The following TUB variants were observed in gnomAD, a reference collection of about 807,000 sequenced individuals.
TUB encodes the protein tubby protein homolog.
TUB carries 33 observed loss-of-function variants against 59.7 expected under a neutral mutation model. The observed-to-expected ratio is 0.55, with a 90% CI of 0.42 to 0.74. TUB has a LOEUF of 0.74. TUB is among the 30% of genes least tolerant of loss of function. TUB has a pLI of 0.00. For missense variants in TUB, 659 were observed against 672.0 expected (o/e 0.98, Z 0.21); for synonymous variants, 293 against 256.4 (o/e 1.14, Z -1.36).
chr11:8,100,261 G>A (rs762521828), intron 9 of TUB, among the ~76,000 whole-genome samples: 10 of 151,190 alleles, frequency 6.6e-5, no homozygotes, highest in Non-Finnish European at 1.5e-4. Context: ...TAGTTTGCCG[G>A]AGCGAGTGGA....
upstream of TUB, chr11:8,035,878 T>C (rs1179578374): frequency 6.6e-6 from 1 of 152,282 alleles, no homozygotes; most frequent in Non-Finnish European, 1.5e-5. Context: ...GGTGATCTGT[T>C]TGTGACAGGG....
chr11:8,066,942 C>G (rs1429731788), intron 2 of TUB, among the ~76,000 whole-genome samples: 3 of 152,188 alleles, frequency 2.0e-5, no homozygotes, highest in Non-Finnish European at 2.9e-5. Flanking sequence ...TTACCTCCCC[C>G]AAATGCACAC....
At chr11:8,039,023 A>G (rs1942695741) in exon 1 of TUB, 1 of 1,612,424 alleles carries the variant, frequency 6.2e-7, no homozygotes, top group African/African-American at 1.3e-5. Context: ...GCCACCGAAG[A>G]GATCGGTAAG....
At chr11:8,029,409 G>A (rs1942540821) in intron 1 of TUB, among the ~76,000 whole-genome samples, 1 of 118,896 alleles carries the variant, frequency 8.4e-6, no homozygotes, top group Non-Finnish European at 1.7e-5. Context: ...TTTTTTTTGA[G>A]ACAGAGTCTC....
upstream of TUB, among the ~76,000 whole-genome samples, chr11:8,080,551 G>A (rs1396238997): frequency 6.6e-6 from 1 of 152,200 alleles, no homozygotes; most frequent in East Asian, 1.9e-4. Context: ...TAGCTTTACG[G>A]CCTTGGGCAT....
upstream of TUB, among the ~76,000 whole-genome samples, chr11:8,037,101 A>G (rs1413640863): frequency 1.3e-5 from 2 of 152,156 alleles, no homozygotes; most frequent in Admixed American, 6.5e-5. Flanking sequence ...TGGGAGATGG[A>G]GGATGAGGTC....
In TUB at chr11:8,096,670, C is replaced by T; in HGVS notation, c.566-15C>T. 1 of 1,542,286 alleles carries T rather than the reference C, an allele frequency of 6.5e-7. No individual in the cohort carries two copies. The highest frequency in any genetic ancestry group is 9.0e-7 in the Non-Finnish European group (1 of 1,114,528). On this transcript the variant is annotated splice_polypyrimidine_tract_variant and intron_variant, in intron 5 of 11. Transcript: ENST00000299506. The stretch of plus-strand genomic sequence containing the variant: ...TTCTCCTCCTTCATCCCTTCTTCTT[C>T]TCTCCTTGGCCCAGGCATCTCCAGC...
intron 2 of TUB, chr11:8,067,527 A>C (rs1943269146): frequency 6.6e-6 from 1 of 152,242 alleles, no homozygotes; most frequent in Admixed American, 6.5e-5. Context: ...TGTGCCTAAC[A>C]AAATACTTAG....
chr11:8,050,332 C>T (rs1455469159), intron 2 of TUB, among the ~76,000 whole-genome samples: 2 of 152,210 alleles, frequency 1.3e-5, no homozygotes, highest in Non-Finnish European at 2.9e-5. Context: ...GTCTGTGTTT[C>T]CATGAGGTGC....
At chr11:8,036,751 C>T (rs1942652777), upstream of TUB, among the ~76,000 whole-genome samples, 1 of 152,208 alleles carries the variant, frequency 6.6e-6, no homozygotes, top group Admixed American at 6.5e-5. Flanking sequence ...TTATCCAGCC[C>T]TGAGGTTCTG....
intron 1 of TUB, among the ~76,000 whole-genome samples, chr11:8,083,220 G>A (rs1243686541): frequency 2.0e-5 from 3 of 152,210 alleles, no homozygotes; most frequent in African/African-American, 7.2e-5. Context: ...GTGGACTCCG[G>A]TGCTGTGGAA....
intron 1 of TUB, among the ~76,000 whole-genome samples, chr11:8,029,388 C>CTTTTT (rs71059146): frequency 4.0e-4 from 50 of 123,546 alleles, no homozygotes; most frequent in Middle Eastern, 4.2e-3. Flanking sequence ...TTCTTTCTTT[C>CTTTTT]TTTTTTTTTT....
At position 8,099,016 on chromosome 11, in the gene TUB, C is replaced by G; in HGVS notation, c.1116+141C>G. 10 of 695,090 alleles carry G rather than the reference C, an allele frequency of 1.4e-5. No homozygotes were observed. The South Asian group carries it at 1.6e-4, about 11-fold the overall frequency. The allele number at this position is 695,090 out of a possible 1,614,324, so 43.1% of individuals were successfully genotyped here. A position where few individuals can be genotyped will look rare whatever the true frequency, so the allele number is the denominator to read the frequency against. ...AGGGGCTGTCCTCTGTGGAGTGTTC[C>G]TGGCCTAGGACAGGGGCTCTGGCTC... is the stretch of plus-strand genomic sequence containing the variant. On this transcript the variant is annotated intron_variant, in intron 9 of 11. Coordinates refer to ENST00000299506, the MANE Select transcript of TUB (RefSeq NM_177972.3).
chr11:8,061,422 G>A (rs1338044459), intron 2 of TUB, among the ~76,000 whole-genome samples: 8 of 152,114 alleles, frequency 5.3e-5, no homozygotes, highest in Admixed American at 1.3e-4. Flanking sequence ...AACACCCTGC[G>A]GTGCCTCTAC....
intron 11 of TUB, 138 bp from the exon 12 acceptor site, chr11:8,101,348 C>T (rs951091804): frequency 8.4e-7 from 1 of 1,190,860 alleles, no homozygotes; most frequent in Non-Finnish European, 1.2e-6. Context: ...CTTTGTTTTA[C>T]TTCCCTTTGT....
At chr11:8,098,948 G>T in intron 9 of TUB, 73 bp downstream of exon 9, 1 of 1,109,582 alleles carries the variant, frequency 9.0e-7, no homozygotes, top group South Asian at 1.3e-5. Context: ...CTGATCTAGG[G>T]GCTATCCCAT....
At chr11:8,033,416 G>C (rs1443076118) in intron 1 of TUB, among the ~76,000 whole-genome samples, 1 of 152,264 alleles carries the variant, frequency 6.6e-6, no homozygotes, top group Non-Finnish European at 1.5e-5. Flanking sequence ...CTGGCCTTTC[G>C]CCCAGTTTCA....
At chr11:8,027,482 G>A (rs1180741911) in intron 1 of TUB, among the ~76,000 whole-genome samples, 1 of 151,808 alleles carries the variant, frequency 6.6e-6, no homozygotes, top group Non-Finnish European at 1.5e-5. Flanking sequence ...ACCACATTTT[G>A]TTTATTTTTA....
At chr11:8,023,984 A>G (rs991988295) in intron 1 of TUB, among the ~76,000 whole-genome samples, 6 of 152,216 alleles carry the variant, frequency 3.9e-5, no homozygotes, top group Non-Finnish European at 7.3e-5. Flanking sequence ...TATTCACAGG[A>G]TAAATTCCTA....
Sources: gnomAD v4.1 joint callset for allele counts (sites outside exome capture counted in the v4.1 genomes callset) on GRCh38, gnomAD v4.1.1 for gene constraint, MANE v1.5 for transcripts, NCBI Gene and HGNC (gene_info 2026-07-23, HGNC 2026-07-21) for gene names.